EYS: variants seen among roughly 807,000 people sequenced by gnomAD.
EYS encodes EGF-like photoreceptor maintenance factor, also known as protein eyes shut homolog.
EYS carries 250 observed loss-of-function variants against 282.1 expected under a neutral mutation model. That is an observed-to-expected ratio of 0.89 (90% CI 0.80 to 0.98). The LOEUF (loss-of-function observed/expected upper bound fraction) is 0.98, where lower values mean the gene tolerates loss of function less well. EYS is among the 50% of genes least tolerant of loss of function. The probability of loss-of-function intolerance (pLI) is 0.00; values close to 1 mark genes in which losing one functional copy is unlikely to be tolerated. For missense variants in EYS, 4,016 were observed against 3,709.0 expected, an observed-to-expected ratio of 1.08 and a Z score of -2.15; for synonymous variants, 1,355 against 1,282.9, an observed-to-expected ratio of 1.06 and a Z score of -1.20.
chr6:64,280,267 C>A (rs1435960464), intron 30 of EYS, among the ~76,000 whole-genome samples: 1 of 151,982 alleles, frequency 6.6e-6, no homozygotes, highest in African/African-American at 2.4e-5. Flanking sequence ...TATCGATCAT[C>A]CTGTGAACAA....
intron 11 of EYS, chr6:65,329,391 A>T: frequency 1.1e-6 from 1 of 894,672 alleles, no homozygotes. Context: ...ATATCATTTT[A>T]CTATAAGGAT....
At chr6:65,204,303 G>T (rs1213418018) in intron 12 of EYS, among the ~76,000 whole-genome samples, 2 of 151,628 alleles carry the variant, frequency 1.3e-5, no homozygotes, top group African/African-American at 4.8e-5. Context: ...CTTAAAGGAA[G>T]CTAGAGAGAA....
chr6:64,030,169 C>A (rs565820205), intron 33 of EYS, among the ~76,000 whole-genome samples: 19 of 150,890 alleles, frequency 1.3e-4, no homozygotes, highest in African/African-American at 4.4e-4. Flanking sequence ...GAAACAGAGA[C>A]AAAGAAAAGG....
chr6:65,366,815 C>G (rs1764928176), intron 8 of EYS, among the ~76,000 whole-genome samples: 1 of 151,550 alleles, frequency 6.6e-6, no homozygotes, highest in African/African-American at 2.4e-5. Flanking sequence ...GTTTCTTTAT[C>G]TTTTTCTCAG....
intron 2 of EYS, among the ~76,000 whole-genome samples, chr6:65,605,009 A>AT (rs10626958): frequency 0.11 from 14,745 of 136,624 alleles, 1,393 homozygotes; most frequent in African/African-American, 0.25. Context: ...ATGCCCAGCT[A>AT]TTTTTTTTTT....
intron 26 of EYS, among the ~76,000 whole-genome samples, chr6:64,466,103 A>C (rs1775907612): frequency 6.6e-6 from 1 of 152,146 alleles, no homozygotes; most frequent in African/African-American, 2.4e-5. Context: ...AAAGATAACA[A>C]GTATTCAATA....
At chr6:64,211,025 G>C (rs1007014853) in intron 31 of EYS, among the ~76,000 whole-genome samples, 2 of 152,108 alleles carry the variant, frequency 1.3e-5, no homozygotes, top group Non-Finnish European at 2.9e-5. Context: ...ATGACTGAGA[G>C]TTACACCATC....
chr6:65,219,082 A>G (rs1054191359), intron 12 of EYS, among the ~76,000 whole-genome samples: 1 of 152,150 alleles, frequency 6.6e-6, no homozygotes, highest in African/African-American at 2.4e-5. Flanking sequence ...TATCTTCCAA[A>G]TTTTGCATGA....
At chr6:64,260,144 A>AT (rs34774822) in intron 30 of EYS, among the ~76,000 whole-genome samples, 99,196 of 151,366 alleles carry the variant, frequency 0.66, 32,522 homozygotes, top group Non-Finnish European at 0.68. Flanking sequence ...GGCAGGGGGT[A>AT]TTTTTTCCTT....
At chr6:65,689,220 T>G (rs544687762) in intron 1 of EYS, among the ~76,000 whole-genome samples, 1 of 149,534 alleles carries the variant, frequency 6.7e-6, no homozygotes, top group Non-Finnish European at 1.5e-5. Flanking sequence ...TCATGTCCCT[T>G]GTAGGGACAT....
chr6:65,493,947 C>T (rs917709790), intron 4 of EYS, among the ~76,000 whole-genome samples: 1 of 152,184 alleles, frequency 6.6e-6, no homozygotes, highest in African/African-American at 2.4e-5. Flanking sequence ...AGTTCCCTAA[C>T]TTCCTCTACT....
intron 30 of EYS, among the ~76,000 whole-genome samples, chr6:64,302,345 G>T (rs578022786): frequency 6.6e-6 from 1 of 152,280 alleles, no homozygotes; most frequent in Non-Finnish European, 1.5e-5. Flanking sequence ...ACCCTAGAGG[G>T]TTCTAGTCCT....
intron 7 of EYS, among the ~76,000 whole-genome samples, chr6:65,392,507 A>C (rs537787065): frequency 2.0e-5 from 3 of 152,278 alleles, no homozygotes; most frequent in East Asian, 1.9e-4. Context: ...AAAAAGTGGG[A>C]GAAGGATATG....
intron 30 of EYS, among the ~76,000 whole-genome samples, chr6:64,236,799 A>C (rs1374014039): frequency 6.7e-6 from 1 of 148,826 alleles, no homozygotes; most frequent in African/African-American, 2.5e-5. Context: ...ATATATGTAT[A>C]TATTTATTAT....
chr6:64,569,219 C>T (rs1765646791), intron 26 of EYS, among the ~76,000 whole-genome samples: 2 of 151,682 alleles, frequency 1.3e-5, no homozygotes, highest in African/African-American at 2.4e-5. Context: ...ATATTCTAAC[C>T]CAATGAAAGG....
chr6:64,811,966 T>A (rs1283217215), intron 22 of EYS, among the ~76,000 whole-genome samples: 1 of 152,144 alleles, frequency 6.6e-6, no homozygotes. Context: ...ATAATCAATT[T>A]TTTTATTGAA....
At chr6:64,541,689 TC>T (rs1287075599) in intron 26 of EYS, among the ~76,000 whole-genome samples, 5 of 152,234 alleles carry the variant, frequency 3.3e-5, no homozygotes, top group Non-Finnish European at 5.9e-5. Flanking sequence ...CAGGAAAGGT[TC>T]TTTTTCCATT....
intron 14 of EYS, among the ~76,000 whole-genome samples, chr6:64,965,466 T>A (rs985142706): frequency 1.1e-4 from 16 of 152,024 alleles, no homozygotes; most frequent in African/African-American, 3.9e-4. Context: ...TATTTGTAAA[T>A]GTGCTGATTA....
chr6:64,675,976 G>A (rs1007466102), intron 22 of EYS, among the ~76,000 whole-genome samples: 6 of 146,054 alleles, frequency 4.1e-5, no homozygotes, highest in South Asian at 2.2e-4. Context: ...TCTATTGATC[G>A]ATAGATCTAT....
Sources: allele counts gnomAD v4.1 joint callset (sites outside exome capture counted in the v4.1 genomes callset), GRCh38; gene constraint gnomAD v4.1.1; transcripts MANE v1.5; gene names NCBI Gene and HGNC (gene_info 2026-07-23, HGNC 2026-07-21).